SNTG1: variants seen among roughly 807,000 people sequenced by gnomAD.
The protein encoded by SNTG1 is gamma-1-syntrophin.
In SNTG1, 39 loss-of-function variants were observed where a neutral mutation model predicts 74.7. The ratio of observed to expected loss-of-function variants is 0.52; its 90% confidence interval spans 0.40 to 0.68. The LOEUF (loss-of-function observed/expected upper bound fraction) is 0.68, where lower values mean the gene tolerates loss of function less well. SNTG1 is among the 30% of genes least tolerant of loss of function. SNTG1 has a pLI of 0.00. For missense variants in SNTG1, 685 were observed against 609.5 expected (o/e 1.12, Z -1.30); for synonymous variants, 254 against 217.1 (o/e 1.17, Z -1.49).
At chr8:50,027,010 G>A (rs778456449) in intron 1 of SNTG1, among the ~76,000 whole-genome samples, 1 of 152,032 alleles carries the variant, frequency 6.6e-6, no homozygotes, top group Admixed American at 6.6e-5. Context: ...TTGCAGGATT[G>A]CTATGTCCTT....
intron 3 of SNTG1, 122 bp downstream of exon 3, chr8:50,394,387 C>CT: frequency 1.1e-6 from 1 of 893,826 alleles, no homozygotes; most frequent in Non-Finnish European, 1.7e-6. Context: ...AGGATGGGCT[C>CT]TTTTTCCTTC....
chr8:50,717,568 T>A (rs1303355005), intron 17 of SNTG1, among the ~76,000 whole-genome samples: 1 of 152,220 alleles, frequency 6.6e-6, no homozygotes, highest in Non-Finnish European at 1.5e-5. Context: ...AGATCTTGTC[T>A]CAACCACAAC....
rs183210983 is a variant in SNTG1 at position 50,701,700 on chromosome 8, C to T, written c.1039-2900C>T. On this transcript the variant is annotated intron_variant, in intron 15 of 18. Transcript: ENST00000642720. ...TCTTCTTCTTCTTCTTTGCCTTCCTCTTCCTCTTCATCTTCCTCTTTTTCT... is the reference window on the plus strand; with the variant it reads ...TCTTCTTCTTCTTCTTTGCCTTCCTTTTCCTCTTCATCTTCCTCTTTTTCT... Among the ~76,000 whole-genome samples the T allele has an allele frequency of 3.4e-4, 51 of 149,842 alleles. No homozygotes were observed. The East Asian group carries it at 8.7e-3, about 25-fold the overall frequency.
chr8:50,640,604 A>G (rs1274108677), intron 13 of SNTG1, among the ~76,000 whole-genome samples: 2 of 152,098 alleles, frequency 1.3e-5, no homozygotes, highest in Admixed American at 6.5e-5. Flanking sequence ...CTATCTACCC[A>G]TCCTGGTAAT....
At chr8:50,643,055 CA>C (rs36082800) in intron 13 of SNTG1, among the ~76,000 whole-genome samples, 33,921 of 151,630 alleles carry the variant, frequency 0.22, 4,359 homozygotes, top group African/African-American at 0.34. Context: ...TTCCTCTTGG[CA>C]AAAAAACAAA....
chr8:50,635,770 TTG>T lies in SNTG1; in HGVS notation c.850-21138_850-21137del, dbSNP rs563212681. Among the ~76,000 whole-genome samples the T allele has an allele frequency of 9.9e-5, 15 of 152,266 alleles. No individual in the cohort carries two copies. In the South Asian group the frequency reaches 3.1e-3, roughly 32 times the overall value. The stretch of plus-strand genomic sequence containing the variant: ...ATAATCAGAGATCCCATGAGCCCAC[TTG>T]ATGCTCTAACCCCTGTGGTTGAGCT... On this transcript the variant is annotated intron_variant, in intron 13 of 18. Coordinates refer to ENST00000642720, the MANE Select transcript of SNTG1 (RefSeq NM_018967.5).
chr8:50,326,578 C>T (rs2090758536), intron 2 of SNTG1, among the ~76,000 whole-genome samples: 3 of 149,964 alleles, frequency 2.0e-5, no homozygotes, highest in Admixed American at 1.3e-4. Context: ...TGTGTCTTGT[C>T]TCTTTTTTTT....
intron 2 of SNTG1, among the ~76,000 whole-genome samples, chr8:50,388,905 A>G (rs1011368036): frequency 1.3e-5 from 2 of 152,160 alleles, no homozygotes; most frequent in Non-Finnish European, 2.9e-5. Flanking sequence ...TCAAGCACTT[A>G]TTTGACGCAG....
intron 12 of SNTG1, among the ~76,000 whole-genome samples, chr8:50,586,517 T>C (rs1388356136): frequency 6.6e-6 from 1 of 152,146 alleles, no homozygotes; most frequent in Admixed American, 6.5e-5. Flanking sequence ...GGGGGCATCC[T>C]TATGCCATTG....
At chr8:50,555,189 T>A (rs1239066259) in intron 12 of SNTG1, among the ~76,000 whole-genome samples, 5 of 152,204 alleles carry the variant, frequency 3.3e-5, no homozygotes, top group African/African-American at 1.2e-4. Flanking sequence ...ATGATTCCCC[T>A]ATACTACTGT....
intron 1 of SNTG1, among the ~76,000 whole-genome samples, chr8:49,995,863 G>A (rs541939987): frequency 1.1e-4 from 17 of 152,070 alleles, no homozygotes; most frequent in African/African-American, 2.7e-4. Context: ...TTAGCTGATC[G>A]CAAGATACTC....
intron 8 of SNTG1, among the ~76,000 whole-genome samples, chr8:50,485,809 A>T (rs1184073955): frequency 4.0e-5 from 6 of 150,438 alleles, no homozygotes; most frequent in Non-Finnish European, 8.9e-5. Flanking sequence ...TTTAGGTCTA[A>T]CGTTTAAGTC....
chr8:50,538,305 G>A (rs992272512), intron 11 of SNTG1, among the ~76,000 whole-genome samples: 3 of 151,998 alleles, frequency 2.0e-5, no homozygotes, highest in Non-Finnish European at 2.9e-5. Context: ...TTAAAAACTC[G>A]TGGAAAGGAT....
chr8:50,209,162 T>G (rs2084389036), intron 2 of SNTG1, among the ~76,000 whole-genome samples: 1 of 152,010 alleles, frequency 6.6e-6, no homozygotes, highest in East Asian at 1.9e-4. Context: ...AAGGTGGCAG[T>G]GAGGCTGGGG....
chr8:50,410,647 C>CT (rs1284728934), intron 4 of SNTG1, among the ~76,000 whole-genome samples: 3 of 152,020 alleles, frequency 2.0e-5, no homozygotes, highest in Admixed American at 6.5e-5. Flanking sequence ...AAGTTTGTAC[C>CT]TTTTTATCAG....
intron 8 of SNTG1, among the ~76,000 whole-genome samples, chr8:50,473,319 T>G (rs1189309083): frequency 6.6e-6 from 1 of 152,196 alleles, no homozygotes; most frequent in African/African-American, 2.4e-5. Context: ...GTAAAATTCC[T>G]GAGGGCTCCC....
chr8:50,006,670 T>A (rs538907244), intron 1 of SNTG1, among the ~76,000 whole-genome samples: 13 of 152,290 alleles, frequency 8.5e-5, no homozygotes, highest in African/African-American at 3.1e-4. Context: ...TTATTCTGAA[T>A]GGTTTATCTT....
At chr8:50,029,421 T>C (rs1362080743) in intron 1 of SNTG1, among the ~76,000 whole-genome samples, 1 of 152,182 alleles carries the variant, frequency 6.6e-6, no homozygotes, top group African/African-American at 2.4e-5. Context: ...TCTGCTGTGC[T>C]ATTAGATACT....
intron 2 of SNTG1, among the ~76,000 whole-genome samples, chr8:50,312,309 G>A (rs16914702): frequency 0.049 from 7,396 of 152,130 alleles, 406 homozygotes; most frequent in South Asian, 0.17. Flanking sequence ...TTATTTCCAA[G>A]GAGAGGGATG....
Sources: allele counts gnomAD v4.1 joint callset (sites outside exome capture counted in the v4.1 genomes callset), GRCh38; gene constraint gnomAD v4.1.1; transcripts MANE v1.5; gene names NCBI Gene and HGNC (gene_info 2026-07-23, HGNC 2026-07-21).